The following OLFML2A variants were observed in gnomAD, a reference collection of about 807,000 sequenced individuals.
The protein encoded by OLFML2A is olfactomedin like 2A.
Under a neutral mutation model 60.9 loss-of-function variants are expected in OLFML2A, and 47 were observed. The observed-to-expected ratio is 0.77, with a 90% CI of 0.61 to 0.98. OLFML2A has a LOEUF of 0.98. OLFML2A is among the 50% of genes least tolerant of loss of function. OLFML2A has a pLI of 0.00. For synonymous variants in OLFML2A, 372 were observed against 375.0 expected (o/e 0.99, Z 0.09); for missense variants, 922 against 879.8 (o/e 1.05, Z -0.61).
At chr9:124,805,334 A>G (rs1261187006) in intron 6 of OLFML2A, among the ~76,000 whole-genome samples, 2 of 152,154 alleles carry the variant, frequency 1.3e-5, no homozygotes, top group African/African-American at 4.8e-5. Flanking sequence ...GCATCATGGC[A>G]TCATTTCTAA....
At chr9:124,778,540 C>G (rs1841301326) in intron 1 of OLFML2A, among the ~76,000 whole-genome samples, 1 of 151,722 alleles carries the variant, frequency 6.6e-6, no homozygotes, top group African/African-American at 2.4e-5. Context: ...ATGGTGAAAC[C>G]CCATCTCTAC....
intron 1 of OLFML2A, among the ~76,000 whole-genome samples, chr9:124,785,997 T>G (rs1250779763): frequency 6.6e-6 from 1 of 152,012 alleles, no homozygotes; most frequent in Non-Finnish European, 1.5e-5. Context: ...ACCTACAATC[T>G]CAGCTACTTG....
chr9:124,786,375 A>T (rs1396861340), intron 1 of OLFML2A, among the ~76,000 whole-genome samples: 1 of 151,710 alleles, frequency 6.6e-6, no homozygotes, highest in Non-Finnish European at 1.5e-5. Flanking sequence ...GTGAGCCATG[A>T]TCAGGCCACT....
chr9:124,801,569 A>G lies in OLFML2A; in HGVS notation c.825A>G (p.Thr275=). ...ESGKGSFLQP[T]AKPRALAQQQ... ...GCAAGGGCAGTTTCCTCCAGCCCAC[A>G]GCCAAGCCCCGCGCCCTGGCCCAGC... The change falls in exon 5 of 8, where the codon ACA becomes ACG. Residue 275 remains threonine (T), a synonymous_variant. Transcript: ENST00000373580. 2 of 1,614,054 alleles carry G rather than the reference A, an allele frequency of 1.2e-6. No homozygotes were observed.
In OLFML2A at chr9:124,801,433, G is replaced by T; in HGVS notation, c.689G>T (p.Gly230Val). The change falls in exon 5 of 8, where the codon GGC (glycine) becomes GTC (valine). Residue 230 changes from glycine (G) to valine (V), a missense_variant. Transcript: ENST00000373580. ...TCCCAGGACACAGCTAGAGGAAAAG[G>T]CAAGGACATCAGCAAGTATGGCAGT... is the stretch of plus-strand genomic sequence containing the variant. Reference protein sequence around the residue: ...SKAQDTARGKGKDISKYGSVQ... With the variant: ...SKAQDTARGKVKDISKYGSVQ... The T allele has an allele frequency of 6.2e-7, 1 of 1,614,110 alleles. No individual in the cohort carries two copies. Among genetic ancestry groups the T allele is most frequent in the Non-Finnish European group, 8.5e-7 (1 of 1,180,002 alleles).
intron 1 of OLFML2A, among the ~76,000 whole-genome samples, chr9:124,785,089 G>A (rs1406751156): frequency 1.3e-5 from 2 of 150,918 alleles, no homozygotes; most frequent in Non-Finnish European, 2.9e-5. Context: ...TAGTAGCTGG[G>A]GCTACAGGCA....
Position 124,787,182 on chromosome 9 carries a change from T to A in OLFML2A, c.298T>A (p.Cys100Ser). 3 of 1,614,124 alleles carry A rather than the reference T, an allele frequency of 1.9e-6. No individual in the cohort carries two copies. In the South Asian group the frequency reaches 3.3e-5, roughly 18 times the overall value. The change falls in exon 2 of 8, where the codon TGT (cysteine) becomes AGT (serine). Residue 100 changes from cysteine (C) to serine (S), a missense_variant. Coordinates refer to ENST00000373580, the MANE Select transcript of OLFML2A (RefSeq NM_182487.4). ...CGCACCTCCCTCCTCTCTCAACCCC[T>A]GTGAGAACGAGTGGAAGATGGAGAA... ...CTAPPSSLNP[C>S]ENEWKMEKLK...
chr9:124,809,732 C>T (rs1470025036), intron 7 of OLFML2A, 76 bp from the exon 8 acceptor site: 3 of 1,518,684 alleles, frequency 2.0e-6, no homozygotes, highest in African/African-American at 1.4e-5. Context: ...CACTGAGAGC[C>T]CTTGGTGGGC....
intron 7 of OLFML2A, among the ~76,000 whole-genome samples, chr9:124,808,307 C>T (rs984895284): frequency 5.9e-5 from 9 of 152,294 alleles, no homozygotes; most frequent in Middle Eastern, 3.4e-3. Context: ...ATCTCGCCCC[C>T]CGTGTATCAG....
Position 124,777,357 on chromosome 9 carries a change from TA to T in OLFML2A, c.89del (p.Lys30ArgfsTer9). On this transcript the variant is annotated frameshift_variant and splice_region_variant, in exon 1 of 8. Coordinates refer to ENST00000373580, the MANE Select transcript of OLFML2A (RefSeq NM_182487.4). LOFTEE classifies it high-confidence loss of function. This position sits in a 1 kb window ranked among gnomAD's most constrained non-coding sequence, Gnocchi z 6.2. The stretch of plus-strand genomic sequence containing the variant: ...GCGGCCGCCCCACGCGCGCCGACAG[TA>T]AGGTACGCACGCCCCTCGGACCCGC... ...LSGRPTRADS[K>X]VFGDLDQVRM... 7.8e-7 allele frequency: 1 copy of T among 1,283,500 alleles called. No homozygotes were observed. Among genetic ancestry groups the T allele is most frequent in the Non-Finnish European group, 9.9e-7 (1 of 1,010,700 alleles). 79.5% of individuals were successfully genotyped at this position (1,283,500 alleles called of 1,614,324 possible). A position where few individuals can be genotyped will look rare whatever the true frequency, so the allele number is the denominator to read the frequency against.
intron 2 of OLFML2A, among the ~76,000 whole-genome samples, chr9:124,794,383 G>T (rs1331918023): frequency 6.6e-6 from 1 of 152,212 alleles, no homozygotes; most frequent in African/African-American, 2.4e-5. Context: ...AGGGATCTCA[G>T]AAGATCCGGA....
intron 5 of OLFML2A, among the ~76,000 whole-genome samples, chr9:124,802,321 G>T (rs1319159593): frequency 6.6e-6 from 1 of 152,212 alleles, no homozygotes; most frequent in Non-Finnish European, 1.5e-5. Flanking sequence ...CCAGATGGCT[G>T]CTCTCTTCTG....
intron 1 of OLFML2A, among the ~76,000 whole-genome samples, chr9:124,786,677 C>T (rs1160595504): frequency 1.4e-5 from 2 of 147,806 alleles, no homozygotes; most frequent in Non-Finnish European, 3.0e-5. Flanking sequence ...GCCGAGATGG[C>T]GCTACTGCAC....
At chr9:124,791,314 C>T (rs1841564756) in intron 2 of OLFML2A, among the ~76,000 whole-genome samples, 1 of 152,246 alleles carries the variant, frequency 6.6e-6, no homozygotes. Context: ...GCCACGCCAG[C>T]ACCTGTGACT....
chr9:124,787,129 C>T lies in OLFML2A; in HGVS notation c.245C>T (p.Ser82Leu), dbSNP rs1171081862. 6.2e-7 allele frequency: 1 copy of T among 1,614,206 alleles called. No individual in the cohort carries two copies. Among genetic ancestry groups the T allele is most frequent in the Admixed American group, 1.7e-5 (1 of 60,026 alleles). Residue 82 changes from serine (S) to leucine (L), a missense_variant, in exon 2 of 8, where the codon TCG becomes TTG. By Grantham distance (145) the Ser-to-Leu change is moderately radical. Coordinates refer to ENST00000373580, the MANE Select transcript of OLFML2A (RefSeq NM_182487.4). ...TTCTACACGGTGGAGACTGTGAGCT[C>T]GGGCACTGACTGCCGCTGCTCCTGT... ...EDFYTVETVSSGTDCRCSCTA... is the reference protein window; with the variant it reads ...EDFYTVETVSLGTDCRCSCTA...
At chr9:124,797,078 C>G (rs1340571974) in intron 3 of OLFML2A, among the ~76,000 whole-genome samples, 1 of 152,160 alleles carries the variant, frequency 6.6e-6, no homozygotes, top group Non-Finnish European at 1.5e-5. Flanking sequence ...CCCCCAGGAT[C>G]AACTGATCCT....
chr9:124,798,538 A>G (rs913792633), intron 3 of OLFML2A, among the ~76,000 whole-genome samples: 5 of 149,714 alleles, frequency 3.3e-5, no homozygotes, highest in African/African-American at 1.2e-4. Context: ...GTAACCATCA[A>G]AAAGGGACTG....
chr9:124,797,850 T>C lies in OLFML2A; in HGVS notation c.463-1435T>C, dbSNP rs573947961. On this transcript the variant is annotated intron_variant, in intron 3 of 7. Coordinates refer to ENST00000373580, the MANE Select transcript of OLFML2A (RefSeq NM_182487.4). ...GAGGTTCACAGAGCGAGGGGCATTA[T>C]GGTTCTAAGCAGTCTGTCTGCTCCT... 6.5e-4 allele frequency among the ~76,000 whole-genome samples: 99 copies of C among 152,182 alleles called. 1 individual carries two copies. Among genetic ancestry groups the C allele is most frequent in the Non-Finnish European group, 8.4e-4 (57 of 68,016 alleles).
At position 124,779,550 on chromosome 9, in the gene OLFML2A, G is replaced by T. The variant is rs548394386; in HGVS notation, c.90+2190G>T. ...GCTAGGTTGTGTGTGTGTGTGGTGG[G>T]GGGGGGGTGTTTAGCTGTCCCAGGA... On this transcript the variant is annotated intron_variant, in intron 1 of 7. Coordinates refer to ENST00000373580, the MANE Select transcript of OLFML2A (RefSeq NM_182487.4). The surrounding 1 kb of genome is among the most constrained non-coding windows in gnomAD (Gnocchi z 4.1). Among the ~76,000 whole-genome samples the T allele has an allele frequency of 7.9e-5, 12 of 151,560 alleles. 1 individual carries two copies. The highest frequency in any genetic ancestry group is 3.4e-3 in the Middle Eastern group (1 of 292).
Sources: allele counts gnomAD v4.1 joint callset (sites outside exome capture counted in the v4.1 genomes callset), GRCh38; gene constraint gnomAD v4.1.1; non-coding constraint Gnocchi (gnomAD v3.1); transcripts MANE v1.5; gene names NCBI Gene and HGNC (gene_info 2026-07-23, HGNC 2026-07-21).